The following NOL4 variants were observed in gnomAD, a reference collection of about 807,000 sequenced individuals.
The protein encoded by NOL4 is cancer/testis antigen 125.
Under a neutral mutation model 75.9 loss-of-function variants are expected in NOL4, and 17 were observed. The ratio of observed to expected loss-of-function variants is 0.22; its 90% CI spans 0.15 to 0.34. The LOEUF (loss-of-function observed/expected upper bound fraction) is 0.34, where lower values mean the gene tolerates loss of function less well. Among genes scored for constraint, NOL4 ranks in the 10% least tolerant of loss-of-function variants. NOL4 has a pLI of 1.00. For missense variants in NOL4, 614 were observed against 793.5 expected, an observed-to-expected ratio of 0.77 and a Z score of 2.72; for synonymous variants, 292 against 289.9, an observed-to-expected ratio of 1.01 and a Z score of -0.07.
Position 33,890,656 on chromosome 18 carries a change from A to G in NOL4, c.1543-7232T>C, listed in dbSNP as rs148590227. On this transcript the variant is annotated intron_variant, in intron 9 of 10. Transcript: ENST00000261592. ...AAATACATATTTCTATTTGATATGT[A>G]GGCAAACAATATATGTTTCCTTTTG... 4.5e-4 allele frequency among the ~76,000 whole-genome samples: 69 copies of G among 152,236 alleles called. 4 individuals are homozygous for G. The East Asian group carries it at 0.013, about 28-fold the overall frequency.
chr18:34,153,922 A>G (rs2029876245), intron 1 of NOL4, among the ~76,000 whole-genome samples: 1 of 151,978 alleles, frequency 6.6e-6, no homozygotes, highest in African/African-American at 2.4e-5. Context: ...AGTAAATCGG[A>G]CCCATTACTT....
At chr18:33,933,931 AATCCATCAG>A in intron 9 of NOL4, among the ~76,000 whole-genome samples, 1 of 152,092 alleles carries the variant, frequency 6.6e-6, no homozygotes, top group South Asian at 2.1e-4. Flanking sequence ...TCCTTTTCCT[AATCCATCAG>A]AGGAATCACT....
At chr18:34,001,858 TA>T (rs1205646362) in intron 6 of NOL4, 6 of 152,390 alleles carry the variant, frequency 3.9e-5, no homozygotes, top group African/African-American at 1.4e-4. Context: ...CGTTAAGTGC[TA>T]ATACTGAAAT....
At chr18:34,201,595 C>G (rs1380805915) in intron 1 of NOL4, among the ~76,000 whole-genome samples, 1 of 151,832 alleles carries the variant, frequency 6.6e-6, no homozygotes, top group African/African-American at 2.4e-5. Flanking sequence ...TCTCCATTAA[C>G]ATAAAATATT....
At chr18:34,143,448 T>G (rs1361882655) in intron 1 of NOL4, among the ~76,000 whole-genome samples, 2 of 152,182 alleles carry the variant, frequency 1.3e-5, no homozygotes, top group East Asian at 3.9e-4. Context: ...TTGATTGAAC[T>G]ATGATATGGC....
intron 9 of NOL4, among the ~76,000 whole-genome samples, chr18:33,922,144 T>G (rs2067079106): frequency 6.6e-6 from 1 of 152,210 alleles, no homozygotes; most frequent in Non-Finnish European, 1.5e-5. Context: ...AGACCCATAA[T>G]TATGAGACAC....
At chr18:34,077,119 A>C (rs1346770804) in intron 5 of NOL4, among the ~76,000 whole-genome samples, 1 of 152,132 alleles carries the variant, frequency 6.6e-6, no homozygotes, top group Non-Finnish European at 1.5e-5. Flanking sequence ...TAGCCTGGGC[A>C]ACATGGTGAA....
At chr18:34,023,838 T>G (rs960729854) in intron 5 of NOL4, among the ~76,000 whole-genome samples, 1 of 152,106 alleles carries the variant, frequency 6.6e-6, no homozygotes, top group Non-Finnish European at 1.5e-5. Context: ...CTAGAAGGTC[T>G]AGTAACACAG....
intron 10 of NOL4, among the ~76,000 whole-genome samples, chr18:33,861,750 C>G (rs1337210914): frequency 6.6e-6 from 1 of 152,104 alleles, no homozygotes; most frequent in Non-Finnish European, 1.5e-5. Flanking sequence ...CTACAAACCA[C>G]TGCTCAATTA....
intron 8 of NOL4, among the ~76,000 whole-genome samples, chr18:33,957,037 G>A (rs2069701560): frequency 6.6e-6 from 1 of 152,010 alleles, no homozygotes; most frequent in Non-Finnish European, 1.5e-5. Context: ...CGAGATGCTG[G>A]TTCTCACTGG....
At chr18:34,199,903 C>A (rs944477886) in intron 1 of NOL4, among the ~76,000 whole-genome samples, 15 of 151,920 alleles carry the variant, frequency 9.9e-5, no homozygotes, top group African/African-American at 3.6e-4. Flanking sequence ...AATAAGCACA[C>A]GGTAAGTAAT....
chr18:33,897,007 G>GA (rs1481517190), intron 9 of NOL4, among the ~76,000 whole-genome samples: 2 of 151,812 alleles, frequency 1.3e-5, no homozygotes, highest in Non-Finnish European at 1.5e-5. Flanking sequence ...GTAAGCATAC[G>GA]AAAAAAAAGC....
chr18:34,054,429 A>T (rs751148967), intron 5 of NOL4, among the ~76,000 whole-genome samples: 2 of 151,920 alleles, frequency 1.3e-5, no homozygotes, highest in Non-Finnish European at 2.9e-5. Context: ...TTTTCTTGGC[A>T]AATTGGCCCT....
chr18:34,040,037 C>T (rs986045528), intron 5 of NOL4, among the ~76,000 whole-genome samples: 14 of 151,918 alleles, frequency 9.2e-5, no homozygotes, highest in Non-Finnish European at 1.5e-4. Context: ...GTACCTTGGG[C>T]ATATCAAACC....
chr18:34,223,353 G>A lies in NOL4; in HGVS notation c.-100C>T. The A allele has an allele frequency of 6.7e-7, 1 of 1,500,160 alleles. No homozygotes were observed. The allele number at this position is 1,500,160 out of a possible 1,614,324, so 92.9% of individuals were successfully genotyped here. A position where few individuals can be genotyped will look rare whatever the true frequency, so the allele number is the denominator to read the frequency against. Reference sequence around the variant, plus strand: ...GCAGCCCCGGCCACGTTGCAGGGATGCGAGGTCCCGGCCGCAGCGGGAGCC... The same window carrying A: ...GCAGCCCCGGCCACGTTGCAGGGATACGAGGTCCCGGCCGCAGCGGGAGCC... On this transcript the variant is annotated 5_prime_UTR_variant, in exon 1 of 11. Coordinates refer to ENST00000261592, the MANE Select transcript of NOL4 (RefSeq NM_003787.5).
Position 33,888,034 on chromosome 18 carries a change from G to A in NOL4, c.1543-4610C>T, listed in dbSNP as rs566677792. On this transcript the variant is annotated intron_variant, in intron 9 of 10. Coordinates refer to ENST00000261592, the MANE Select transcript of NOL4 (RefSeq NM_003787.5). ...TGGTTGAACTAGTTTACAGTCCCAC[G>A]AACAGCTTAAAAGTGTTCCTATTTC... Among the ~76,000 whole-genome samples the A allele has an allele frequency of 1.2e-3, 182 of 152,164 alleles. 1 individual carries two copies. The highest frequency in any genetic ancestry group is 4.0e-3 in the African/African-American group (165 of 41,544).
At position 34,142,366 on chromosome 18, in the gene NOL4, A is replaced by G. The variant is rs551088477; in HGVS notation, c.265-12346T>C. ...AAAGGATTATAAATCATGCTGCTATAAAGACATATGCACATGTATGTTTAT... is the reference window on the plus strand; with the variant it reads ...AAAGGATTATAAATCATGCTGCTATGAAGACATATGCACATGTATGTTTAT... On this transcript the variant is annotated intron_variant, in intron 1 of 10. Transcript: ENST00000261592. Among the ~76,000 whole-genome samples the G allele has an allele frequency of 3.9e-5, 6 of 152,354 alleles. No homozygotes were observed. In the East Asian group the frequency reaches 7.7e-4, roughly 20 times the overall value.
chr18:34,134,174 G>A (rs1463219123), intron 1 of NOL4, among the ~76,000 whole-genome samples: 1 of 151,746 alleles, frequency 6.6e-6, no homozygotes, highest in East Asian at 1.9e-4. Flanking sequence ...ATCAGCCATA[G>A]AACAAAATAT....
At chr18:34,043,707 G>A (rs1175436765) in intron 5 of NOL4, among the ~76,000 whole-genome samples, 1 of 152,060 alleles carries the variant, frequency 6.6e-6, no homozygotes, top group African/African-American at 2.4e-5. Flanking sequence ...AGTCCAATGA[G>A]ATAATGTAAA....
Sources: allele counts gnomAD v4.1 joint callset (sites outside exome capture counted in the v4.1 genomes callset), GRCh38; gene constraint gnomAD v4.1.1; transcripts MANE v1.5; gene names NCBI Gene and HGNC (gene_info 2026-07-23, HGNC 2026-07-21).